DAB1: variants seen among roughly 807,000 people sequenced by gnomAD.
DAB1 encodes the protein disabled homolog 1.
A neutral mutation model predicts 64.6 loss-of-function variants in DAB1; 15 were observed. The ratio of observed to expected loss-of-function variants is 0.23; its 90% CI spans 0.16 to 0.36. The LOEUF is 0.36. DAB1 is among the 10% of genes least tolerant of loss of function. DAB1 has a pLI of 1.00. For synonymous variants in DAB1, 235 were observed against 251.9 expected (o/e 0.93, Z 0.64); for missense variants, 596 against 706.7 (o/e 0.84, Z 1.78).
intron 1 of DAB1, among the ~76,000 whole-genome samples, chr1:57,377,317 C>T (rs1170380929): frequency 6.6e-6 from 1 of 151,328 alleles, no homozygotes; most frequent in Non-Finnish European, 1.5e-5. Flanking sequence ...GATAAGGAGT[C>T]TATTGGCATA....
intron 5 of DAB1, among the ~76,000 whole-genome samples, chr1:58,055,121 G>A (rs1368877026): frequency 1.3e-5 from 2 of 152,212 alleles, no homozygotes; most frequent in Non-Finnish European, 2.9e-5. Context: ...ACAGATGGGA[G>A]AGCAATGTTC....
chr1:58,012,738 A>G (rs1646685990), intron 5 of DAB1, among the ~76,000 whole-genome samples: 1 of 152,296 alleles, frequency 6.6e-6, no homozygotes, highest in African/African-American at 2.4e-5. Flanking sequence ...ACCAGACAAC[A>G]TATCTTCCAG....
chr1:57,734,807 T>G (rs1022524624), intron 6 of DAB1, among the ~76,000 whole-genome samples: 1 of 152,194 alleles, frequency 6.6e-6, no homozygotes, highest in Non-Finnish European at 1.5e-5. Flanking sequence ...ATTCCAAATG[T>G]CACCAGCTAC....
At chr1:57,193,393 T>G (rs1017500950) in intron 2 of DAB1, among the ~76,000 whole-genome samples, 9 of 136,236 alleles carry the variant, frequency 6.6e-5, no homozygotes, top group Non-Finnish European at 1.4e-4. Context: ...TTTTTTTTTT[T>G]TTTTTTTTTT....
rs550365475 is a variant in DAB1, at chr1:58,188,635, G to C, written n.310-38047C>G. On this transcript the variant is annotated intron_variant and non_coding_transcript_variant, in intron 4 of 20. Transcript: ENST00000485760. ...ACGATTCAGTTGTCCAAAGATAAAA[G>C]AGCCTCTTTAGTGGAAATGCTATGG... Among the ~76,000 whole-genome samples the C allele has an allele frequency of 1.4e-3, 208 of 152,292 alleles. 1 individual carries two copies. Among genetic ancestry groups the C allele is most frequent in the Non-Finnish European group, 2.4e-3 (163 of 68,018 alleles).
At chr1:58,263,016 C>A (rs1661083028) in intron 4 of DAB1, among the ~76,000 whole-genome samples, 1 of 152,156 alleles carries the variant, frequency 6.6e-6, no homozygotes, top group Non-Finnish European at 1.5e-5. Flanking sequence ...TTGTTTCAAG[C>A]CACCTAGATT....
intron 4 of DAB1, among the ~76,000 whole-genome samples, chr1:58,191,957 T>C (rs1033791835): frequency 6.6e-6 from 1 of 152,246 alleles, no homozygotes; most frequent in Non-Finnish European, 1.5e-5. Flanking sequence ...AGTATTTTCA[T>C]GTCTAACACC....
chr1:58,202,767 A>C (rs1023742025), intron 4 of DAB1, among the ~76,000 whole-genome samples: 2 of 152,218 alleles, frequency 1.3e-5, no homozygotes, highest in African/African-American at 4.8e-5. Context: ...CTTTGTCGAT[A>C]TGTGTAATTG....
intron 5 of DAB1, among the ~76,000 whole-genome samples, chr1:58,041,905 A>G (rs1459553706): frequency 1.3e-5 from 2 of 152,250 alleles, no homozygotes; most frequent in African/African-American, 4.8e-5. Context: ...CCTGCTAAGA[A>G]AGGGCTTATC....
chr1:57,313,196 G>A (rs1042537972), intron 1 of DAB1, among the ~76,000 whole-genome samples: 2 of 152,092 alleles, frequency 1.3e-5, no homozygotes, highest in Admixed American at 6.5e-5. Flanking sequence ...GAGGCCTCAA[G>A]GTATGGCAGG....
rs144872120 is a variant in DAB1 at position 57,511,799 on chromosome 1, T to C, written n.625+137793A>G. The stretch of plus-strand genomic sequence containing the variant: ...TTCTTTTCCATATATTTATAATGCC[T>C]CTCCTCTCTTTGACCATCTGGCAAA... On this transcript the variant is annotated intron_variant and non_coding_transcript_variant, in intron 7 of 20. Coordinates refer to the DAB1 transcript ENST00000485760. 3.6e-3 allele frequency among the ~76,000 whole-genome samples: 541 copies of C among 152,232 alleles called. 2 individuals carry two copies. Among genetic ancestry groups the C allele is most frequent in the Middle Eastern group, 0.01 (3 of 294 alleles).
intron 7 of DAB1, among the ~76,000 whole-genome samples, chr1:57,523,177 C>G (rs1446091791): frequency 6.6e-6 from 1 of 152,138 alleles, no homozygotes; most frequent in Non-Finnish European, 1.5e-5. Flanking sequence ...GACGAATACA[C>G]CCCCCTTCCC....
intron 7 of DAB1, among the ~76,000 whole-genome samples, chr1:57,459,135 C>T (rs1383573642): frequency 2.0e-5 from 3 of 152,072 alleles, no homozygotes; most frequent in Admixed American, 2.0e-4. Context: ...TGTTCTCTTT[C>T]AATCAATCTG....
At chr1:57,821,920 T>C (rs544401445), downstream of DAB1, among the ~76,000 whole-genome samples, 3 of 152,342 alleles carry the variant, frequency 2.0e-5, no homozygotes, top group Admixed American at 1.3e-4. Context: ...TATGATCTCA[T>C]TAAATTTTCA....
chr1:57,147,629 C>T (rs978972639), intron 2 of DAB1, among the ~76,000 whole-genome samples: 15 of 152,090 alleles, frequency 9.9e-5, no homozygotes, highest in Admixed American at 8.5e-4. Context: ...CCATAATACA[C>T]CTTATATCAT....
chr1:58,102,665 T>G (rs1651391293), intron 5 of DAB1, among the ~76,000 whole-genome samples: 1 of 152,224 alleles, frequency 6.6e-6, no homozygotes, highest in South Asian at 2.1e-4. Flanking sequence ...ACAATGGGAA[T>G]AGGAAGCTGC....
chr1:58,122,238 T>C (rs1013772644), intron 5 of DAB1, among the ~76,000 whole-genome samples: 1 of 152,186 alleles, frequency 6.6e-6, no homozygotes, highest in Non-Finnish European at 1.5e-5. Context: ...AGTGCCACCA[T>C]TGCATTAACT....
At chr1:57,121,794 GC>G (rs974327987) in intron 4 of DAB1, among the ~76,000 whole-genome samples, 8 of 152,012 alleles carry the variant, frequency 5.3e-5, no homozygotes, top group African/African-American at 1.9e-4. Context: ...AAGGTGGTGG[GC>G]AAGGGGAGAG....
At chr1:58,038,683 C>T (rs1264635541) in intron 5 of DAB1, among the ~76,000 whole-genome samples, 1 of 152,096 alleles carries the variant, frequency 6.6e-6, no homozygotes. Context: ...AAACAGAGCC[C>T]TTCCATTCTG....
Sources: gnomAD v4.1 joint callset for allele counts (sites outside exome capture counted in the v4.1 genomes callset) on GRCh38, gnomAD v4.1.1 for gene constraint, MANE v1.5 for transcripts, NCBI Gene and HGNC (gene_info 2026-07-23, HGNC 2026-07-21) for gene names.